Variants in DAB1 observed in about 807,000 individuals in gnomAD.
DAB1 encodes the protein DAB adaptor protein 1.
Under a neutral mutation model 64.6 loss-of-function variants are expected in DAB1, and 15 were observed. That is an observed-to-expected ratio of 0.23 (90% CI 0.16 to 0.36). The LOEUF (loss-of-function observed/expected upper bound fraction) is 0.36, where lower values mean the gene tolerates loss of function less well. Among genes scored for constraint, DAB1 ranks in the 10% least tolerant of loss-of-function variants. DAB1 has a pLI of 1.00. For synonymous variants in DAB1, 235 were observed against 251.9 expected, an observed-to-expected ratio of 0.93 and a Z score of 0.64; for missense variants, 596 against 706.7, an observed-to-expected ratio of 0.84 and a Z score of 1.78.
chr1:58,386,892 C>T (rs894045184), intron 3 of DAB1, among the ~76,000 whole-genome samples: 4 of 152,122 alleles, frequency 2.6e-5, no homozygotes, highest in African/African-American at 9.7e-5. Context: ...GAAACCCCAA[C>T]TCTACTAAAA....
chr1:57,957,348 G>T (rs1645416126), intron 5 of DAB1, among the ~76,000 whole-genome samples: 1 of 152,314 alleles, frequency 6.6e-6, no homozygotes, highest in Non-Finnish European at 1.5e-5. Flanking sequence ...AAAGGTTTCA[G>T]CCTAAGCAAT....
At chr1:57,275,818 C>T (rs1476513553) in intron 2 of DAB1, among the ~76,000 whole-genome samples, 1 of 152,306 alleles carries the variant, frequency 6.6e-6, no homozygotes, top group South Asian at 2.1e-4. Context: ...TTAGCATCTT[C>T]CCCTGCCCGC....
chr1:57,884,082 C>T, exon 1 of DAB1: 1 of 152,346 alleles, frequency 6.6e-6, no homozygotes. Flanking sequence ...AGGGTCTGGA[C>T]TGAAGAAGCT....
At chr1:57,060,444 CT>C (rs1294940222) in intron 9 of DAB1, among the ~76,000 whole-genome samples, 1 of 152,184 alleles carries the variant, frequency 6.6e-6, no homozygotes. Flanking sequence ...GCCACCGCCC[CT>C]GGCCTTCATA....
At chr1:57,037,900 T>A (rs1647234518) in intron 9 of DAB1, among the ~76,000 whole-genome samples, 1 of 152,216 alleles carries the variant, frequency 6.6e-6, no homozygotes, top group Non-Finnish European at 1.5e-5. Flanking sequence ...ATAGAACTTC[T>A]TGGGATGATG....
intron 6 of DAB1, among the ~76,000 whole-genome samples, chr1:57,775,735 C>G (rs908545821): frequency 1.3e-5 from 2 of 151,468 alleles, no homozygotes; most frequent in Admixed American, 1.3e-4. Context: ...TCATACTGAT[C>G]AAAGCTTCTA....
At chr1:58,127,939 C>A (rs1464500728) in intron 5 of DAB1, among the ~76,000 whole-genome samples, 2 of 152,058 alleles carry the variant, frequency 1.3e-5, no homozygotes, top group African/African-American at 4.8e-5. Flanking sequence ...CTTGGCTATG[C>A]GGGCTCTTTT....
intron 4 of DAB1, among the ~76,000 whole-genome samples, chr1:58,166,056 T>C (rs1557678790): frequency 2.0e-5 from 3 of 152,218 alleles, no homozygotes; most frequent in Non-Finnish European, 4.4e-5. Context: ...TCTTAATTGC[T>C]ATGCAATTTT....
In DAB1 at chr1:57,984,906, AGTT is replaced by A. The variant is rs1253304184; in HGVS notation, n.388-100747_388-100745del. ...GGAAATTGCATTGAAAACCTGCTTT[AGTT>A]GTTGTTGTTTTTTTTTTGAGATGGA... On this transcript the variant is annotated intron_variant and non_coding_transcript_variant, in intron 5 of 20. Coordinates refer to the DAB1 transcript ENST00000485760. Among the ~76,000 whole-genome samples the A allele has an allele frequency of 9.0e-5, 12 of 132,630 alleles. No homozygotes were observed. The South Asian group carries it at 1.1e-3, about 13-fold the overall frequency. The allele number at this position is 132,630 out of a possible 152,430, so 87.0% of individuals were successfully genotyped here.
At chr1:57,411,404 G>A (rs1684101642) in intron 1 of DAB1, among the ~76,000 whole-genome samples, 1 of 152,184 alleles carries the variant, frequency 6.6e-6, no homozygotes, top group South Asian at 2.1e-4. Flanking sequence ...AGATATGCCT[G>A]AAAAGTCAAG....
intron 6 of DAB1, among the ~76,000 whole-genome samples, chr1:57,650,395 G>T (rs1292429622): frequency 6.6e-6 from 1 of 152,084 alleles, no homozygotes; most frequent in Non-Finnish European, 1.5e-5. Flanking sequence ...TATGAATGCA[G>T]ACCGGTATTT....
intron 1 of DAB1, chr1:58,538,754 A>G: frequency 1.4e-6 from 1 of 715,236 alleles, no homozygotes; most frequent in Non-Finnish European, 2.4e-6. Context: ...ATTAATGCAA[A>G]AAGTTAATAT....
intron 5 of DAB1, among the ~76,000 whole-genome samples, chr1:57,929,185 T>C (rs892399624): frequency 1.3e-5 from 2 of 152,214 alleles, no homozygotes; most frequent in East Asian, 1.9e-4. Flanking sequence ...TCCTTTGTTA[T>C]ACAATGTGGA....
chr1:57,908,317 C>T (rs993554529), intron 5 of DAB1, among the ~76,000 whole-genome samples: 1 of 152,110 alleles, frequency 6.6e-6, no homozygotes, highest in African/African-American at 2.4e-5. Flanking sequence ...TGTGCCCATA[C>T]ATTAGCTAAA....
At chr1:57,239,551 T>C (rs1216218921) in intron 2 of DAB1, among the ~76,000 whole-genome samples, 2 of 152,180 alleles carry the variant, frequency 1.3e-5, no homozygotes, top group Non-Finnish European at 2.9e-5. Context: ...CTTCCAGACC[T>C]ATAGCCGGCC....
At chr1:57,482,789 C>T (rs1045096135) in intron 7 of DAB1, among the ~76,000 whole-genome samples, 2 of 152,152 alleles carry the variant, frequency 1.3e-5, no homozygotes, top group Non-Finnish European at 1.5e-5. Flanking sequence ...ATAAATTAAG[C>T]ATGGTGGATT....
intron 4 of DAB1, among the ~76,000 whole-genome samples, chr1:58,201,535 A>G (rs1220706598): frequency 6.6e-6 from 1 of 152,230 alleles, no homozygotes; most frequent in African/African-American, 2.4e-5. Context: ...GGAAGTTGAC[A>G]AATGTACACT....
chr1:57,055,640 C>T (rs546346902), intron 9 of DAB1, among the ~76,000 whole-genome samples: 7 of 152,298 alleles, frequency 4.6e-5, no homozygotes, highest in East Asian at 1.9e-4. Flanking sequence ...GACTCTGGAA[C>T]GCTCTGTAAC....
At chr1:57,634,909 A>T (rs953545120) in intron 7 of DAB1, among the ~76,000 whole-genome samples, 1 of 152,210 alleles carries the variant, frequency 6.6e-6, no homozygotes, top group Non-Finnish European at 1.5e-5. Flanking sequence ...TAAGGTGGTC[A>T]AAGAAGAAAT....
Sources: gnomAD v4.1 joint callset for allele counts (sites outside exome capture counted in the v4.1 genomes callset) on GRCh38, gnomAD v4.1.1 for gene constraint, MANE v1.5 for transcripts, NCBI Gene and HGNC (gene_info 2026-07-23, HGNC 2026-07-21) for gene names.